MEAF6: variants seen among roughly 807,000 people sequenced by gnomAD.
The protein encoded by MEAF6 is MYST/Esa1 associated factor 6, also known as chromatin modification-related protein MEAF6.
In MEAF6, 15 loss-of-function variants were observed where a neutral mutation model predicts 28.9. The ratio of observed to expected loss-of-function variants is 0.52; its 90% CI spans 0.35 to 0.80. MEAF6 has a LOEUF of 0.80. Among genes scored for constraint, MEAF6 ranks in the 30% least tolerant of loss-of-function variants. MEAF6 has a pLI of 0.01. For synonymous variants in MEAF6, 97 were observed against 88.7 expected (o/e 1.09, Z -0.53); for missense variants, 178 against 237.5 (o/e 0.75, Z 1.65).
intron 2 of MEAF6, among the ~76,000 whole-genome samples, chr1:37,512,987 C>T (rs758858089): frequency 1.3e-5 from 2 of 151,880 alleles, no homozygotes; most frequent in Non-Finnish European, 2.9e-5. Context: ...GTCAGGAGTT[C>T]GAGACCAGCC....
At chr1:37,500,663 C>A (rs1402423214) in intron 5 of MEAF6, among the ~76,000 whole-genome samples, 1 of 152,148 alleles carries the variant, frequency 6.6e-6, no homozygotes, top group Non-Finnish European at 1.5e-5. Flanking sequence ...ATTGAAGAAC[C>A]AGCTGACGCC....
chr1:37,511,772 G>A (rs1642677965), intron 2 of MEAF6, among the ~76,000 whole-genome samples: 1 of 152,172 alleles, frequency 6.6e-6, no homozygotes, highest in Non-Finnish European at 1.5e-5. Flanking sequence ...ACAAGGCAAT[G>A]TCATGAATAC....
At position 37,510,902 on chromosome 1, in the gene MEAF6, A is replaced by C. The variant is rs150688968; in HGVS notation, c.207-1360T>G. ...CACGTCCGGCTAATTTTGTACTTTT[A>C]GTAGAGACAGTTTCTCCATGTTGGT... On this transcript the variant is annotated intron_variant, in intron 2 of 6. Transcript: ENST00000296214. 4.1e-3 allele frequency among the ~76,000 whole-genome samples: 622 copies of C among 151,916 alleles called. 3 individuals carry two copies. The highest frequency in any genetic ancestry group is 0.014 in the African/African-American group (592 of 41,416).
intron 4 of MEAF6, 99 bp downstream of exon 4, chr1:37,509,179 A>T (rs1642585804): frequency 1.9e-6 from 2 of 1,078,572 alleles, no homozygotes; most frequent in Non-Finnish European, 2.8e-6. Context: ...GGAAGAGCAT[A>T]AGAAATGCAG....
rs1016825793 is a variant in MEAF6, at chr1:37,491,475, G to A, written c.*2624C>T. ...AGGCCAAGGCAGAAGGACTGCTTGA[G>A]GCCAGGAGGACTGCTTGAGGCCAGC... On this transcript the variant is annotated 3_prime_UTR_variant, in exon 7 of 7. Coordinates refer to ENST00000296214, the MANE Select transcript of MEAF6 (RefSeq NM_001270875.3). 7.2e-5 allele frequency among the ~76,000 whole-genome samples: 11 copies of A among 152,268 alleles called. No homozygotes were observed. The highest frequency in any genetic ancestry group is 2.2e-4 in the African/African-American group (9 of 41,536).
At chr1:37,509,079 A>G (rs1030852656) in intron 4 of MEAF6, among the ~76,000 whole-genome samples, 199 bp downstream of exon 4, 4 of 152,224 alleles carry the variant, frequency 2.6e-5, no homozygotes, top group Non-Finnish European at 2.9e-5. Context: ...CTTGGGCTAT[A>G]GTGAGACCTT....
At chr1:37,509,596 C>T (rs1642597763) in intron 2 of MEAF6, 54 bp from the exon 3 acceptor site, 1 of 1,492,000 alleles carries the variant, frequency 6.7e-7, no homozygotes, top group South Asian at 1.2e-5. Context: ...ATGGCTCAAG[C>T]TGGGGATGCC....
chr1:37,507,088 G>A (rs762366447), intron 4 of MEAF6, among the ~76,000 whole-genome samples: 9 of 152,116 alleles, frequency 5.9e-5, no homozygotes, highest in Non-Finnish European at 1.0e-4. Context: ...GGGAGGCAAA[G>A]GCAGATGGAT....
chr1:37,508,868 G>A (rs938080449), intron 4 of MEAF6, among the ~76,000 whole-genome samples: 2 of 152,178 alleles, frequency 1.3e-5, no homozygotes, highest in South Asian at 2.1e-4. Flanking sequence ...AGGCTCAAGT[G>A]GGAGGATTAT....
Position 37,513,436 on chromosome 1 carries a change from G to A in MEAF6, c.193C>T (p.Leu65=), listed in dbSNP as rs944577388. ...TTCGACACTCACTTTTGGTTGGTCA[G>A]ATACCGATCCCAGCCACGAATAATA... The part of the protein sequence containing the change: ...GNIIRGWDRY[L]TNQKNSNSKN... Residue 65 remains leucine (L), a synonymous_variant, in exon 2 of 7, where the codon CTG becomes TTG. Transcript: ENST00000296214. 6.2e-7 allele frequency: 1 copy of A among 1,613,906 alleles called. No individual in the cohort carries two copies. The highest frequency in any genetic ancestry group is 8.5e-7 in the Non-Finnish European group (1 of 1,179,772).
intron 4 of MEAF6, among the ~76,000 whole-genome samples, chr1:37,508,274 C>CTTTTTT (rs577291632): frequency 1.1e-4 from 9 of 83,878 alleles, no homozygotes; most frequent in East Asian, 3.3e-4. Flanking sequence ...ATGAGCATTT[C>CTTTTTT]TTTTTTTTTT....
Position 37,493,872 on chromosome 1 carries a change from C to G in MEAF6, c.*227G>C. 5.1e-6 allele frequency: 8 copies of G among 1,558,676 alleles called. No individual in the cohort carries two copies. The Admixed American group carries it at 1.5e-4, about 28-fold the overall frequency. Reference sequence around the variant, plus strand: ...GCTGGGATTACAACATTGTCTTCATCTTCCTGCAGTTCTGTTACTAAAAAT... The same window carrying G: ...GCTGGGATTACAACATTGTCTTCATGTTCCTGCAGTTCTGTTACTAAAAAT... On this transcript the variant is annotated 3_prime_UTR_variant, in exon 7 of 7. Transcript: ENST00000296214.
Position 37,501,800 on chromosome 1 carries a change from T to C in MEAF6, c.533+4A>G, listed in dbSNP as rs748008085. 1 of 1,569,948 alleles carries C rather than the reference T, an allele frequency of 6.4e-7. No individual in the cohort carries two copies. Among genetic ancestry groups the C allele is most frequent in the East Asian group, 2.3e-5 (1 of 44,076 alleles). The stretch of plus-strand genomic sequence containing the variant: ...GCTGCGGGGGTGGGATCCCTGCCAC[T>C]GACCTGTGCCGGTTTTTATTCTTTC... On this transcript the variant is annotated splice_donor_region_variant and intron_variant, in intron 5 of 6. Coordinates refer to ENST00000296214, the MANE Select transcript of MEAF6 (RefSeq NM_001270875.3).
chr1:37,500,952 T>C (rs1049477854), intron 5 of MEAF6: 3 of 154,176 alleles, frequency 1.9e-5, no homozygotes, highest in African/African-American at 7.2e-5. Flanking sequence ...CTAGGAGGCA[T>C]GGAAACAGGT....
In MEAF6 at chr1:37,504,802, C is replaced by T. The variant is rs1020960947; in HGVS notation, c.341-2806G>A. ...AAAAAAAAAAAAAAAAATTTATATA[C>T]ACACACACACACACACACACACACA... On this transcript the variant is annotated intron_variant, in intron 4 of 6. Transcript: ENST00000296214. Among the ~76,000 whole-genome samples the T allele has an allele frequency of 4.2e-4, 53 of 126,828 alleles. 1 individual carries two copies. The highest frequency in any genetic ancestry group is 8.8e-4 in the South Asian group (3 of 3,402). 83.2% of individuals were successfully genotyped at this position (126,828 alleles called of 152,430 possible).
In MEAF6 at chr1:37,495,469, G is replaced by T. The variant is rs185470373; in HGVS notation, c.567+416C>A. ...TGTAATCCCAACACTTTGGGAGGCT[G>T]GGGTAGGAGGATTGCTTAAGTCCAG... On this transcript the variant is annotated intron_variant, in intron 6 of 6. Transcript: ENST00000296214. Among the ~76,000 whole-genome samples, 10 of 151,642 alleles carry T rather than the reference G, an allele frequency of 6.6e-5. 1 individual carries two copies. The East Asian group carries it at 1.9e-3, about 29-fold the overall frequency.
At chr1:37,512,460 TAGG>T (rs2148092020) in intron 2 of MEAF6, among the ~76,000 whole-genome samples, 1 of 152,070 alleles carries the variant, frequency 6.6e-6, no homozygotes, top group Admixed American at 6.6e-5. Flanking sequence ...TGAATATAGG[TAGG>T]AGGGTATCAA....
chr1:37,495,686 AAAAAAAAAAACAAAAAAC>A lies in MEAF6; in HGVS notation c.567+181_567+198del, dbSNP rs1310003563. On this transcript the variant is annotated intron_variant, in intron 6 of 6. Transcript: ENST00000296214. Reference sequence around the variant, plus strand: ...TGAAAGAGCAAGAAACTGTCTCTCAAAAAAAAAAAACAAAAAACAAAAAAAAAAAAAAACAAAAAAACC... The same window carrying A: ...TGAAAGAGCAAGAAACTGTCTCTCAAAAAAAAAAAAAAAAACAAAAAAACC... Among the ~76,000 whole-genome samples, 626 of 117,098 alleles carry A rather than the reference AAAAAAAAAAACAAAAAAC, an allele frequency of 5.3e-3. 9 individuals carry two copies. The highest frequency in any genetic ancestry group is 8.4e-3 in the Non-Finnish European group (438 of 51,918). 76.8% of individuals were successfully genotyped at this position (117,098 alleles called of 152,430 possible).
chr1:37,513,793 C>T (rs535008430), intron 1 of MEAF6: 1 of 550,964 alleles, frequency 1.8e-6, no homozygotes, highest in Non-Finnish European at 3.2e-6. Context: ...TTTGCATATA[C>T]TTTAGAGGAT....
Sources: allele counts gnomAD v4.1 joint callset (sites outside exome capture counted in the v4.1 genomes callset), GRCh38; gene constraint gnomAD v4.1.1; transcripts MANE v1.5; gene names NCBI Gene and HGNC (gene_info 2026-07-23, HGNC 2026-07-21).